PAG1: variants seen among roughly 807,000 people sequenced by gnomAD.
PAG1 encodes the protein phosphoprotein membrane anchor with glycosphingolipid microdomains 1.
In PAG1, 23 loss-of-function variants were observed where a neutral mutation model predicts 31.7. The observed-to-expected ratio is 0.73, with a 90% confidence interval of 0.52 to 1.03. The LOEUF is 1.03. PAG1 is among the 50% of genes least tolerant of loss of function. PAG1 has a pLI of 0.00. For synonymous variants in PAG1, 214 were observed against 210.3 expected, an observed-to-expected ratio of 1.02 and a Z score of -0.15; for missense variants, 473 against 540.7, an observed-to-expected ratio of 0.87 and a Z score of 1.24.
At chr8:80,997,903 A>G (rs1448299077) in intron 3 of PAG1, among the ~76,000 whole-genome samples, 7 of 152,188 alleles carry the variant, frequency 4.6e-5, no homozygotes, top group Non-Finnish European at 7.3e-5. Flanking sequence ...CCAATTTTGT[A>G]TAATTTCGAA....
intron 2 of PAG1, among the ~76,000 whole-genome samples, chr8:81,059,282 T>TC (rs1808879583): frequency 6.6e-6 from 1 of 151,782 alleles, no homozygotes; most frequent in Admixed American, 6.6e-5. Context: ...TTCTTTTTTT[T>TC]TTTTTCTTTG....
intron 2 of PAG1, among the ~76,000 whole-genome samples, chr8:81,032,611 T>C (rs911417196): frequency 6.6e-6 from 1 of 152,210 alleles, no homozygotes; most frequent in African/African-American, 2.4e-5. Context: ...CAGAACCCCA[T>C]GCCCTGCTGA....
At chr8:80,977,128 G>A (rs369254148) in intron 8 of PAG1, among the ~76,000 whole-genome samples, 12 of 152,090 alleles carry the variant, frequency 7.9e-5, no homozygotes, top group African/African-American at 2.9e-4. Context: ...CCTTAATTCC[G>A]TGAAAACCCA....
At chr8:81,018,867 G>C (rs1769525251) in intron 3 of PAG1, among the ~76,000 whole-genome samples, 1 of 152,216 alleles carries the variant, frequency 6.6e-6, no homozygotes, top group South Asian at 2.1e-4. Flanking sequence ...ATGTGGAACT[G>C]ACTTTGGAAC....
chr8:80,998,322 G>A (rs1307430998), intron 3 of PAG1, among the ~76,000 whole-genome samples: 2 of 151,890 alleles, frequency 1.3e-5, no homozygotes, highest in East Asian at 3.9e-4. Flanking sequence ...TAGAGACGGG[G>A]TTTCACCATG....
chr8:81,009,669 G>A (rs1423581519), intron 3 of PAG1, among the ~76,000 whole-genome samples: 1 of 152,170 alleles, frequency 6.6e-6, no homozygotes, highest in African/African-American at 2.4e-5. Context: ...CTGGAGTACA[G>A]TGGTGTGATC....
chr8:81,086,206 C>T (rs1341134340), intron 1 of PAG1, among the ~76,000 whole-genome samples: 1 of 151,702 alleles, frequency 6.6e-6, no homozygotes, highest in African/African-American at 2.4e-5. Flanking sequence ...TGGTCTCGAT[C>T]TCCTGACCTC....
chr8:80,978,159 G>C (rs1807221994), intron 8 of PAG1, among the ~76,000 whole-genome samples: 1 of 152,128 alleles, frequency 6.6e-6, no homozygotes, highest in African/African-American at 2.4e-5. Flanking sequence ...GCTGGTGGCT[G>C]GCTCAGTTTG....
chr8:81,075,145 T>G (rs1809156417), intron 1 of PAG1, among the ~76,000 whole-genome samples: 1 of 152,236 alleles, frequency 6.6e-6, no homozygotes, highest in Admixed American at 6.5e-5. Flanking sequence ...GCCTGTGTAA[T>G]TCCATGTGTC....
intron 3 of PAG1, among the ~76,000 whole-genome samples, chr8:81,005,600 C>T (rs1272296006): frequency 6.6e-6 from 1 of 152,176 alleles, no homozygotes; most frequent in East Asian, 1.9e-4. Context: ...ACTGGAGGGT[C>T]TCTAGTAGAG....
chr8:81,108,634 A>G (rs2131145489), intron 1 of PAG1, among the ~76,000 whole-genome samples: 1 of 152,116 alleles, frequency 6.6e-6, no homozygotes, highest in African/African-American at 2.4e-5. Flanking sequence ...AGGCGAGAAC[A>G]CTATCTAGTA....
At chr8:81,032,993 A>T (rs1334763245) in intron 2 of PAG1, among the ~76,000 whole-genome samples, 1 of 152,252 alleles carries the variant, frequency 6.6e-6, no homozygotes, top group Non-Finnish European at 1.5e-5. Context: ...CCTGTTTATA[A>T]GAAATGTCCA....
chr8:81,066,900 C>T (rs898691107), intron 2 of PAG1, among the ~76,000 whole-genome samples: 3 of 152,148 alleles, frequency 2.0e-5, no homozygotes, highest in Non-Finnish European at 4.4e-5. Flanking sequence ...GTGGTTCATG[C>T]CTGCAATCCC....
intron 1 of PAG1, among the ~76,000 whole-genome samples, chr8:81,101,125 T>G (rs749028068): frequency 6.6e-6 from 1 of 152,234 alleles, no homozygotes; most frequent in Non-Finnish European, 1.5e-5. Context: ...GTAAGTTTAG[T>G]ACATCAGTGT....
intron 1 of PAG1, among the ~76,000 whole-genome samples, chr8:81,077,332 T>C (rs949711974): frequency 6.6e-6 from 1 of 152,234 alleles, no homozygotes; most frequent in African/African-American, 2.4e-5. Context: ...CATCCTGACC[T>C]GGGATTTGTT....
chr8:81,111,392 A>G (rs933586391), intron 1 of PAG1, among the ~76,000 whole-genome samples, 199 bp downstream of exon 1: 3 of 152,160 alleles, frequency 2.0e-5, no homozygotes, highest in Admixed American at 6.5e-5. Flanking sequence ...CAACTGGCAC[A>G]TTCGTGAGAT....
chr8:81,067,277 T>C (rs908791382), intron 2 of PAG1, among the ~76,000 whole-genome samples: 1 of 152,252 alleles, frequency 6.6e-6, no homozygotes, highest in Non-Finnish European at 1.5e-5. Context: ...GGAAACTTTT[T>C]TCTTCCTTGA....
chr8:81,049,980 C>T (rs77841227), intron 2 of PAG1, among the ~76,000 whole-genome samples: 4,637 of 152,232 alleles, frequency 0.03, 116 homozygotes, highest in African/African-American at 0.061. Flanking sequence ...TCCCTGCTCT[C>T]CTGGTCTCTC....
At chr8:81,009,238 T>C (rs1807938736) in intron 3 of PAG1, among the ~76,000 whole-genome samples, 3 of 152,222 alleles carry the variant, frequency 2.0e-5, no homozygotes, top group Non-Finnish European at 4.4e-5. Context: ...TATGTGTCTT[T>C]ATTATAACAA....
Sources: allele counts gnomAD v4.1 joint callset (sites outside exome capture counted in the v4.1 genomes callset), GRCh38; gene constraint gnomAD v4.1.1; transcripts MANE v1.5; gene names NCBI Gene and HGNC (gene_info 2026-07-23, HGNC 2026-07-21).